Variants in SEMA5B observed in about 807,000 individuals in gnomAD.
The protein encoded by SEMA5B is semaphorin 5B.
A neutral mutation model predicts 135.0 loss-of-function variants in SEMA5B; 66 were observed. The ratio of observed to expected loss-of-function variants is 0.49; its 90% confidence interval spans 0.40 to 0.60. The LOEUF (loss-of-function observed/expected upper bound fraction) is 0.60, where lower values mean the gene tolerates loss of function less well. SEMA5B is among the 20% of genes least tolerant of loss of function. The probability of loss-of-function intolerance (pLI) is 0.00; values close to 1 mark genes in which losing one functional copy is unlikely to be tolerated. For missense variants in SEMA5B, 1,501 were observed against 1,566.3 expected, an observed-to-expected ratio of 0.96 and a Z score of 0.70; for synonymous variants, 690 against 639.5, an observed-to-expected ratio of 1.08 and a Z score of -1.19.
At chr3:122,961,548 C>T (rs115590068) in intron 1 of SEMA5B, among the ~76,000 whole-genome samples, 1,750 of 152,064 alleles carry the variant, frequency 0.012, 32 homozygotes, top group South Asian at 0.063. Flanking sequence ...CAGTCTTGAC[C>T]TCCTAGGCTC....
intron 1 of SEMA5B, among the ~76,000 whole-genome samples, chr3:123,016,034 A>G (rs1942546732): frequency 1.3e-5 from 2 of 152,226 alleles, no homozygotes; most frequent in Non-Finnish European, 2.9e-5. Context: ...ACTGGAGGGA[A>G]GAACCTGCTC....
At chr3:122,997,887 T>G (rs890697639) in intron 1 of SEMA5B, among the ~76,000 whole-genome samples, 1 of 152,154 alleles carries the variant, frequency 6.6e-6, no homozygotes, top group Non-Finnish European at 1.5e-5. Context: ...GGTCTTGTTA[T>G]AGTTTGTCTC....
intron 1 of SEMA5B, among the ~76,000 whole-genome samples, chr3:122,980,414 C>G (rs547668196): frequency 1.3e-5 from 2 of 149,444 alleles, no homozygotes; most frequent in South Asian, 4.2e-4. Flanking sequence ...GAGCCGAGAT[C>G]GTGCCATTGC....
intron 1 of SEMA5B, among the ~76,000 whole-genome samples, chr3:123,001,066 C>A (rs1275861468): frequency 6.6e-6 from 1 of 152,058 alleles, no homozygotes; most frequent in East Asian, 1.9e-4. Context: ...TCCAAGAGCC[C>A]CCCAGAGCTC....
chr3:122,964,814 G>A (rs980516563), intron 1 of SEMA5B, among the ~76,000 whole-genome samples: 6 of 152,320 alleles, frequency 3.9e-5, no homozygotes, highest in Admixed American at 2.0e-4. Context: ...AGAAGAGAAG[G>A]CTGCTGCCAC....
At chr3:123,014,688 G>A (rs1328573305) in intron 1 of SEMA5B, among the ~76,000 whole-genome samples, 5 of 152,330 alleles carry the variant, frequency 3.3e-5, no homozygotes, top group South Asian at 2.1e-4. Context: ...TAGCACATAC[G>A]TTGGCTGACA....
intron 1 of SEMA5B, among the ~76,000 whole-genome samples, chr3:123,016,046 T>A (rs529598451): frequency 6.6e-6 from 1 of 152,140 alleles, no homozygotes; most frequent in Admixed American, 6.6e-5. Flanking sequence ...AACCTGCTCA[T>A]GCTCACAGAA....
chr3:122,910,585 G>A (rs1023606004), intron 22 of SEMA5B, among the ~76,000 whole-genome samples: 22 of 152,132 alleles, frequency 1.4e-4, no homozygotes, highest in African/African-American at 4.1e-4. Context: ...CGAGGCGGGC[G>A]GATCACGAGG....
intron 1 of SEMA5B, among the ~76,000 whole-genome samples, chr3:123,007,206 AG>A (rs1283044310): frequency 6.6e-6 from 1 of 152,002 alleles, no homozygotes; most frequent in Non-Finnish European, 1.5e-5. Flanking sequence ...ACTCAGTGTT[AG>A]GGCTGTATCA....
At chr3:122,988,366 A>C (rs934458137) in intron 1 of SEMA5B, among the ~76,000 whole-genome samples, 1 of 152,192 alleles carries the variant, frequency 6.6e-6, no homozygotes, top group Non-Finnish European at 1.5e-5. Flanking sequence ...GAGAGGACAA[A>C]ACCCATACCC....
At chr3:122,916,323 C>T (rs561759261) in intron 12 of SEMA5B, among the ~76,000 whole-genome samples, 1 of 152,160 alleles carries the variant, frequency 6.6e-6, no homozygotes, top group African/African-American at 2.4e-5. Flanking sequence ...ATCATAGAGT[C>T]ATAAAACATT....
At chr3:123,023,322 G>GCACACACACACACACA (rs3080430) in intron 1 of SEMA5B, among the ~76,000 whole-genome samples, 1 of 143,940 alleles carries the variant, frequency 6.9e-6, no homozygotes, top group African/African-American at 2.5e-5. Flanking sequence ...ACTATTTCCA[G>GCACACACACACACACA]CACACACACA....
chr3:123,008,121 C>T (rs1942354277), intron 1 of SEMA5B, among the ~76,000 whole-genome samples: 2 of 152,346 alleles, frequency 1.3e-5, no homozygotes, highest in South Asian at 4.1e-4. Flanking sequence ...TATGTCGAGA[C>T]AGAACTGTCC....
chr3:122,919,470 G>A (rs995313359), intron 12 of SEMA5B, among the ~76,000 whole-genome samples: 1 of 152,182 alleles, frequency 6.6e-6, no homozygotes, highest in Non-Finnish European at 1.5e-5. Context: ...AGAGGCAGTT[G>A]GAGATAACCC....
At chr3:123,012,350 A>G (rs762530591) in intron 1 of SEMA5B, among the ~76,000 whole-genome samples, 45 of 152,060 alleles carry the variant, frequency 3.0e-4, no homozygotes, top group Middle Eastern at 3.4e-3. Flanking sequence ...CCCAATCCCT[A>G]CCATCATTTT....
At chr3:122,949,704 C>T (rs994715161) in intron 2 of SEMA5B, among the ~76,000 whole-genome samples, 32 of 152,198 alleles carry the variant, frequency 2.1e-4, no homozygotes, top group Admixed American at 5.2e-4. Flanking sequence ...TGTAAAACCT[C>T]AGATTGGTGT....
intron 7 of SEMA5B, 63 bp downstream of exon 7, chr3:122,928,454 G>A (rs1938762411): frequency 8.9e-6 from 12 of 1,342,422 alleles, no homozygotes; most frequent in Non-Finnish European, 1.2e-5. Flanking sequence ...AAGGCTGTGT[G>A]CCTAGGCAGG....
intron 10 of SEMA5B, 150 bp from the exon 11 acceptor site, chr3:122,922,597 TG>T (rs1234338687): frequency 2.0e-5 from 14 of 704,094 alleles, no homozygotes; most frequent in Non-Finnish European, 3.3e-5. Context: ...CTGGGCGTCC[TG>T]CACCCTTTCC....
intron 12 of SEMA5B, among the ~76,000 whole-genome samples, chr3:122,921,135 A>G (rs1938329216): frequency 1.3e-5 from 2 of 152,156 alleles, no homozygotes; most frequent in Non-Finnish European, 2.9e-5. Flanking sequence ...TTGAGGACAG[A>G]TGGCACAGCC....
Sources: gnomAD v4.1 joint callset for allele counts (sites outside exome capture counted in the v4.1 genomes callset) on GRCh38, gnomAD v4.1.1 for gene constraint, MANE v1.5 for transcripts, NCBI Gene and HGNC (gene_info 2026-07-23, HGNC 2026-07-21) for gene names.